SLC24A3: variants seen among roughly 807,000 people sequenced by gnomAD.
SLC24A3 encodes solute carrier family 24 member 3.
In SLC24A3, 28 loss-of-function variants were observed where a neutral mutation model predicts 75.8. That is an observed-to-expected ratio of 0.37 (90% CI 0.27 to 0.51). The LOEUF (loss-of-function observed/expected upper bound fraction) is 0.51. Among genes scored for constraint, SLC24A3 ranks in the 20% least tolerant of loss-of-function variants. The pLI is 0.94. For missense variants in SLC24A3, 663 were observed against 847.8 expected, an observed-to-expected ratio of 0.78 and a Z score of 2.71; for synonymous variants, 372 against 334.1, an observed-to-expected ratio of 1.11 and a Z score of -1.24.
intron 1 of SLC24A3, among the ~76,000 whole-genome samples, chr20:19,258,518 A>G (rs2122190628): frequency 6.6e-6 from 1 of 152,314 alleles, no homozygotes; most frequent in African/African-American, 2.4e-5. Flanking sequence ...AGCCTCACCA[A>G]TATGGTGAAA....
intron 8 of SLC24A3, among the ~76,000 whole-genome samples, chr20:19,667,390 T>C (rs1449760526): frequency 6.6e-6 from 1 of 151,838 alleles, no homozygotes; most frequent in Non-Finnish European, 1.5e-5. Flanking sequence ...CCAAATGGAG[T>C]GAGGGGCATT....
intron 6 of SLC24A3, among the ~76,000 whole-genome samples, chr20:19,651,611 G>A (rs1468187747): frequency 6.6e-6 from 1 of 151,940 alleles, no homozygotes; most frequent in East Asian, 1.9e-4. Context: ...TGTAATCCCA[G>A]CACTTTGGGA....
chr20:19,645,218 T>C (rs1398042138), intron 6 of SLC24A3, among the ~76,000 whole-genome samples: 1 of 152,204 alleles, frequency 6.6e-6, no homozygotes, highest in Non-Finnish European at 1.5e-5. Flanking sequence ...GATTCTATTA[T>C]TTATTGTATG....
intron 2 of SLC24A3, among the ~76,000 whole-genome samples, chr20:19,471,138 G>A (rs1257509274): frequency 6.6e-6 from 1 of 152,132 alleles, no homozygotes; most frequent in African/African-American, 2.4e-5. Context: ...TGTCTTGAGG[G>A]CTTGAAGAAG....
chr20:19,423,885 A>T lies in SLC24A3; in HGVS notation c.272-91603A>T, dbSNP rs561505389. On this transcript the variant is annotated intron_variant, in intron 2 of 16. Transcript: ENST00000328041. ...GTCCCACAACAGAGTGCATGATACG[A>T]TGGAGGTAGGCACCCAAGCCTGGAG... 1.0e-3 allele frequency among the ~76,000 whole-genome samples: 156 copies of T among 152,252 alleles called. 1 individual carries two copies. Among genetic ancestry groups the T allele is most frequent in the African/African-American group, 3.6e-3 (150 of 41,522 alleles).
intron 2 of SLC24A3, among the ~76,000 whole-genome samples, chr20:19,474,905 G>A (rs146758060): frequency 2.0e-4 from 31 of 152,138 alleles, no homozygotes; most frequent in South Asian, 4.2e-4. Flanking sequence ...GGTAACCACC[G>A]TTCTATTCTC....
intron 15 of SLC24A3, among the ~76,000 whole-genome samples, chr20:19,713,685 G>T (rs955570934): frequency 6.6e-6 from 1 of 152,086 alleles, no homozygotes; most frequent in Non-Finnish European, 1.5e-5. Flanking sequence ...AAGCAGCCTC[G>T]GGTGCAAGGA....
chr20:19,380,628 G>T (rs1986164934), intron 2 of SLC24A3, among the ~76,000 whole-genome samples: 1 of 152,040 alleles, frequency 6.6e-6, no homozygotes. Context: ...GTCTCTACTA[G>T]CCTCTGAGGA....
At chr20:19,343,079 AAAAAAGAAAAAAGAAAAAG>A (rs1413765091) in intron 2 of SLC24A3, among the ~76,000 whole-genome samples, 1 of 148,890 alleles carries the variant, frequency 6.7e-6, no homozygotes, top group Non-Finnish European at 1.5e-5. Context: ...CAAAAAAAAA[AAAAAAGAAAAAAGAAAAAG>A]AAAAAGAAAA....
chr20:19,551,897 A>C (rs191641806), intron 3 of SLC24A3, among the ~76,000 whole-genome samples: 6 of 151,980 alleles, frequency 3.9e-5, no homozygotes, highest in Admixed American at 3.9e-4. Context: ...AATACATCAA[A>C]CTCTCTTAAA....
chr20:19,622,177 G>A (rs1422842448), intron 6 of SLC24A3, among the ~76,000 whole-genome samples: 1 of 152,208 alleles, frequency 6.6e-6, no homozygotes, highest in African/African-American at 2.4e-5. Context: ...GGAGACTGGG[G>A]ATGGAACAAT....
chr20:19,374,394 A>G (rs1986044302), intron 2 of SLC24A3, among the ~76,000 whole-genome samples: 1 of 152,164 alleles, frequency 6.6e-6, no homozygotes, highest in South Asian at 2.1e-4. Flanking sequence ...GCCCCTGAAA[A>G]TTAGGCAGCC....
In SLC24A3 at chr20:19,408,477, C is replaced by T. The variant is rs375523308; in HGVS notation, c.272-107011C>T. Among the ~76,000 whole-genome samples the T allele has an allele frequency of 3.9e-5, 6 of 151,906 alleles. No individual in the cohort carries two copies. The South Asian group carries it at 1.3e-3, about 32-fold the overall frequency. ...TAATCTCAGCTTACTGCAGCCTCCA[C>T]CTCCCAGGTTCAAGCGATTCTCCTG... is the stretch of plus-strand genomic sequence containing the variant. On this transcript the variant is annotated intron_variant, in intron 2 of 16. Transcript: ENST00000328041.
intron 3 of SLC24A3, among the ~76,000 whole-genome samples, chr20:19,534,788 A>G (rs1367375276): frequency 3.3e-5 from 5 of 152,338 alleles, no homozygotes; most frequent in East Asian, 1.9e-4. Flanking sequence ...TAGCAAGTGT[A>G]TAAGGTACAG....
chr20:19,585,297 C>A, intron 5 of SLC24A3, 144 bp from the exon 6 acceptor site: 1 of 811,862 alleles, frequency 1.2e-6, no homozygotes. Flanking sequence ...TATCATCCCT[C>A]TGTAGATTAG....
chr20:19,572,332 C>A (rs1326929238), intron 3 of SLC24A3, among the ~76,000 whole-genome samples: 1 of 152,092 alleles, frequency 6.6e-6, no homozygotes, highest in East Asian at 1.9e-4. Flanking sequence ...GGCAACAGAG[C>A]ATGACCCCAT....
chr20:19,684,246 C>T lies in SLC24A3; in HGVS notation c.972C>T (p.Ser324=). Residue 324 remains serine, a synonymous_variant, in exon 11 of 17, where the codon TCC becomes TCT. Coordinates refer to ENST00000328041, the MANE Select transcript of SLC24A3 (RefSeq NM_020689.4). ...ELLSAYPHQL[S]FSEAGLRIMI... Reference sequence around the variant, plus strand: ...TGTCAGCCTACCCACACCAGCTTTCCTTCTCTGAGGCTGGCCTTCGAATCA... The same window carrying T: ...TGTCAGCCTACCCACACCAGCTTTCTTTCTCTGAGGCTGGCCTTCGAATCA... The T allele has an allele frequency of 1.9e-6, 3 of 1,614,160 alleles. No homozygotes were observed. The highest frequency in any genetic ancestry group is 2.5e-6 in the Non-Finnish European group (3 of 1,180,030).
rs888056400 is a variant in SLC24A3 at position 19,721,445 on chromosome 20, G to T, written c.*305G>T. The stretch of plus-strand genomic sequence containing the variant: ...TTCTAGAAAAACTGGCTGCTAACTG[G>T]CCTGAGCCAGGCAACACTGATTCCA... On this transcript the variant is annotated 3_prime_UTR_variant, in exon 17 of 17. Coordinates refer to ENST00000328041, the MANE Select transcript of SLC24A3 (RefSeq NM_020689.4). 4 of 317,276 alleles carry T rather than the reference G, an allele frequency of 1.3e-5. No individual in the cohort carries two copies. Among genetic ancestry groups the T allele is most frequent in the Non-Finnish European group, 2.3e-5 (4 of 172,316 alleles). 19.7% of individuals were successfully genotyped at this position (317,276 alleles called of 1,614,324 possible). A position where few individuals can be genotyped will look rare whatever the true frequency, so the allele number is the denominator to read the frequency against.
intron 2 of SLC24A3, among the ~76,000 whole-genome samples, chr20:19,449,365 C>G (rs1987442861): frequency 6.6e-6 from 1 of 152,218 alleles, no homozygotes; most frequent in African/African-American, 2.4e-5. Context: ...TGCCTCACAG[C>G]CACAGTGAAA....
Sources: allele counts gnomAD v4.1 joint callset (sites outside exome capture counted in the v4.1 genomes callset), GRCh38; gene constraint gnomAD v4.1.1; transcripts MANE v1.5; gene names NCBI Gene and HGNC (gene_info 2026-07-23, HGNC 2026-07-21).